Variants in EPHA2 observed in about 807,000 individuals in gnomAD.
EPHA2 encodes the protein ephrin type-A receptor 2.
In EPHA2, 54 loss-of-function variants were observed where a neutral mutation model predicts 104.9. The observed-to-expected ratio is 0.51, with a 90% CI of 0.41 to 0.65. EPHA2 has a LOEUF of 0.65. EPHA2 is among the 30% of genes least tolerant of loss of function. The pLI is 0.00. For missense variants in EPHA2, 1,117 were observed against 1,369.5 expected, an observed-to-expected ratio of 0.82 and a Z score of 2.91; for synonymous variants, 560 against 559.1, an observed-to-expected ratio of 1.00 and a Z score of -0.02.
Position 16,130,347 on chromosome 1 carries a change from T to A in EPHA2, c.2548A>T (p.Met850Leu). Residue 850 changes from methionine (M) to leucine (L), a missense_variant, in exon 15 of 17, where the codon ATG becomes TTG. Physicochemically the swap from Met to Leu is conservative, Grantham distance 15. Transcript: ENST00000358432. The surrounding 1 kb of genome is among the most constrained non-coding windows in gnomAD (Gnocchi z 4.5). ...CGCTCCTGCTGCCAGCACTGCATCA[T>A]GAGCTGGTAGATGGCGGAGGGGCAG... is the stretch of plus-strand genomic sequence containing the variant. ...MDCPSAIYQL[M>L]MQCWQQERAR... 1 of 1,588,308 alleles carries A rather than the reference T, an allele frequency of 6.3e-7. No individual in the cohort carries two copies.
chr1:16,133,657 G>T (rs898589986), intron 9 of EPHA2, 51 bp from the exon 10 acceptor site: 11 of 1,610,696 alleles, frequency 6.8e-6, no homozygotes, highest in African/African-American at 2.7e-5. Context: ...GGCCCCATGG[G>T]GGGTGCTCTG....
chr1:16,131,205 C>T lies in EPHA2; in HGVS notation c.2475+516G>A, dbSNP rs942630401. 6.6e-6 allele frequency among the ~76,000 whole-genome samples: 1 copy of T among 152,010 alleles called. No individual in the cohort carries two copies. The highest frequency in any genetic ancestry group is 2.4e-5 in the African/African-American group (1 of 41,396). ...GGACACACGGATACACACGTACACC[C>T]CACTCCTTTTTTCATCTCTGCACTC... On this transcript the variant is annotated intron_variant, in intron 14 of 16. Transcript: ENST00000358432. This position sits in a 1 kb window ranked among gnomAD's most constrained non-coding sequence, Gnocchi z 5.2.
Position 16,134,542 on chromosome 1 carries a change from C to G in EPHA2, c.1608G>C (p.Ala536=). Residue 536 remains alanine, a synonymous_variant, in exon 8 of 17, where the codon GCG becomes GCC. Transcript: ENST00000358432. The surrounding 1 kb of genome is among the most constrained non-coding windows in gnomAD (Gnocchi z 4.5). The stretch of plus-strand genomic sequence containing the variant: ...CACCGACAGCCACGCCGCCAATCAC[C>G]GCCAAGTTGCCAGATCCCTCCGGGG... ...TLSPEGSGNL[A]VIGGVAVGVV... is the part of the protein sequence containing the mutation. 6.2e-7 allele frequency: 1 copy of G among 1,614,142 alleles called. No individual in the cohort carries two copies. Among genetic ancestry groups the G allele is most frequent in the Non-Finnish European group, 8.5e-7 (1 of 1,180,030 alleles).
At chr1:16,127,807 C>T (rs577185481) in intron 16 of EPHA2, among the ~76,000 whole-genome samples, 2 of 152,302 alleles carry the variant, frequency 1.3e-5, no homozygotes, top group Admixed American at 6.5e-5. Flanking sequence ...TTCACAACAA[C>T]GCGCACTGCA....
In EPHA2 at chr1:16,150,756, G is replaced by A; in HGVS notation, c.153+140C>T. 1.0e-6 allele frequency: 1 copy of A among 966,132 alleles called. No homozygotes were observed. The highest frequency in any genetic ancestry group is 1.5e-5 in the South Asian group (1 of 68,938). The allele number at this position is 966,132 out of a possible 1,614,324, so 59.8% of individuals were successfully genotyped here. ...GCTGACTCTGAGCCTGGTGTGAGAA[G>A]CTGGACCCTGAGCCTGAGACCTGGC... On this transcript the variant is annotated intron_variant, in intron 2 of 16. Coordinates refer to ENST00000358432, the MANE Select transcript of EPHA2 (RefSeq NM_004431.5). This position sits in a 1 kb window ranked among gnomAD's most constrained non-coding sequence, Gnocchi z 4.8.
intron 5 of EPHA2, among the ~76,000 whole-genome samples, chr1:16,136,165 C>T (rs2024679779): frequency 6.6e-6 from 1 of 152,070 alleles, no homozygotes; most frequent in South Asian, 2.1e-4. Context: ...TCACCACGCC[C>T]AGCTCCCAGG....
intron 1 of EPHA2, among the ~76,000 whole-genome samples, chr1:16,151,966 A>T (rs904105): frequency 1.3e-5 from 2 of 152,152 alleles, no homozygotes; most frequent in Non-Finnish European, 2.9e-5. Flanking sequence ...GAGGCCATAG[A>T]CAAAACCTAA....
At chr1:16,133,833 G>A (rs2024628483) in intron 9 of EPHA2, 27 bp downstream of exon 9, 1 of 1,537,342 alleles carries the variant, frequency 6.5e-7, no homozygotes, top group Non-Finnish European at 8.8e-7. Flanking sequence ...GGGCAGGGCT[G>A]GGCCTGGAGC....
chr1:16,131,372 G>A lies in EPHA2; in HGVS notation c.2475+349C>T, dbSNP rs1251761311. ...AGGCATGTGGATCACCTGAAGCGAGGAGCTAGAGACCAGCCTGGCCAACAT... is the reference window on the plus strand; with the variant it reads ...AGGCATGTGGATCACCTGAAGCGAGAAGCTAGAGACCAGCCTGGCCAACAT... On this transcript the variant is annotated intron_variant, in intron 14 of 16. Transcript: ENST00000358432. The surrounding 1 kb of genome is among the most constrained non-coding windows in gnomAD (Gnocchi z 5.2). 6.6e-6 allele frequency among the ~76,000 whole-genome samples: 1 copy of A among 152,142 alleles called. No individual in the cohort carries two copies. The highest frequency in any genetic ancestry group is 1.5e-5 in the Non-Finnish European group (1 of 68,022).
chr1:16,155,520 T>A, intron 1 of EPHA2: 1 of 307,910 alleles, frequency 3.2e-6, no homozygotes. Flanking sequence ...AAACACCCCC[T>A]TCTCTAGGGG....
chr1:16,132,273 C>T lies in EPHA2; in HGVS notation c.2116G>A (p.Glu706Lys), dbSNP rs1170410561. 1 of 1,614,086 alleles carries T rather than the reference C, an allele frequency of 6.2e-7. No homozygotes were observed. The highest frequency in any genetic ancestry group is 1.7e-5 in the Admixed American group (1 of 60,028). ...ENGALDKFLREKDGEFSVLQL... is the reference protein window; with the variant it reads ...ENGALDKFLRKKDGEFSVLQL... ...AGCACGCTGAACTCGCCATCCTTCT[C>T]CTGCCGGAGCACAGGCGCTCAGCTG... The change falls in exon 13 of 17, where the codon GAG becomes AAG. Residue 706 changes from glutamate (E) to lysine (K), a missense_variant and splice_region_variant. Physicochemically the swap from Glu to Lys is moderately conservative, Grantham distance 56. Around this residue, in one of 3 missense-constraint regions of EPHA2, gnomAD observed 340 missense variants for 480.5 expected, o/e 0.71. Coordinates refer to ENST00000358432, the MANE Select transcript of EPHA2 (RefSeq NM_004431.5).
At chr1:16,155,811 C>T (rs1429692428) in intron 1 of EPHA2, 37 bp downstream of exon 1, 3 of 1,367,622 alleles carry the variant, frequency 2.2e-6, no homozygotes, top group Admixed American at 3.6e-5. Flanking sequence ...GGCACTGGGG[C>T]CCGGGGGCCA....
At chr1:16,147,875 C>CT (rs111955796) in intron 3 of EPHA2, among the ~76,000 whole-genome samples, 359 of 143,928 alleles carry the variant, frequency 2.5e-3, no homozygotes, top group African/African-American at 5.8e-3. Context: ...TTCATTCATT[C>CT]TTTTTTTTTT....
intron 11 of EPHA2, chr1:16,132,877 A>G (rs1489655727): frequency 2.1e-6 from 1 of 484,832 alleles, no homozygotes; most frequent in Non-Finnish European, 3.7e-6. Context: ...AGGTGGGCAC[A>G]GGTGTAAGGA....
chr1:16,153,998 C>A (rs1164526473), intron 1 of EPHA2, among the ~76,000 whole-genome samples: 1 of 152,050 alleles, frequency 6.6e-6, no homozygotes, highest in African/African-American at 2.4e-5. Flanking sequence ...AATACACAAG[C>A]CTTTCCCCCT....
rs1006948332 is a variant in EPHA2 at position 16,125,074 on chromosome 1, G to C, written c.*141C>G. The C allele has an allele frequency of 1.3e-6, 1 of 792,142 alleles. No homozygotes were observed. The highest frequency in any genetic ancestry group is 2.2e-6 in the Non-Finnish European group (1 of 463,592). 49.1% of individuals were successfully genotyped at this position (792,142 alleles called of 1,614,324 possible). On this transcript the variant is annotated 3_prime_UTR_variant, in exon 17 of 17. Transcript: ENST00000358432. This position sits in a 1 kb window ranked among gnomAD's most constrained non-coding sequence, Gnocchi z 4.9. ...CTCAGTTCAGGCCAGGGTGTCATCC[G>C]AGACCCCTCAGCGGAAGTTGCAGGG...
rs1276503511 is a variant in EPHA2 at position 16,155,959 on chromosome 1, C to T, written c.-27G>A. 1.4e-6 allele frequency: 2 copies of T among 1,471,316 alleles called. No homozygotes were observed. Among genetic ancestry groups the T allele is most frequent in the Non-Finnish European group, 1.8e-6 (2 of 1,117,066 alleles). 91.1% of individuals were successfully genotyped at this position (1,471,316 alleles called of 1,614,324 possible). A position where few individuals can be genotyped will look rare whatever the true frequency, so the allele number is the denominator to read the frequency against. On this transcript the variant is annotated 5_prime_UTR_variant, in exon 1 of 17. Coordinates refer to ENST00000358432, the MANE Select transcript of EPHA2 (RefSeq NM_004431.5). ...CCGCGCTTCTCGCTCTCGGTCCGAT[C>T]CCCCCGAGCCCGGCTCCCGCACACC...
rs982489003 is a variant in EPHA2 at position 16,150,050 on chromosome 1, C to A, written c.153+846G>T. On this transcript the variant is annotated intron_variant, in intron 2 of 16. Transcript: ENST00000358432. The surrounding 1 kb of genome is among the most constrained non-coding windows in gnomAD (Gnocchi z 4.8). Reference sequence around the variant, plus strand: ...TGTATTAGGTGACCCGTGTTCCCTCCCAGCTAGACTTCCAGGATCCTAGAA... The same window carrying A: ...TGTATTAGGTGACCCGTGTTCCCTCACAGCTAGACTTCCAGGATCCTAGAA... 6.6e-6 allele frequency among the ~76,000 whole-genome samples: 1 copy of A among 152,166 alleles called. No individual in the cohort carries two copies. Among genetic ancestry groups the A allele is most frequent in the Non-Finnish European group, 1.5e-5 (1 of 68,020 alleles).
chr1:16,149,072 T>C (rs759272070), intron 2 of EPHA2, 25 bp from the exon 3 acceptor site: 1 of 1,608,454 alleles, frequency 6.2e-7, no homozygotes, highest in Non-Finnish European at 8.5e-7. Flanking sequence ...TACAGGTTAG[T>C]GTGGGCAGGT....
Sources: allele counts gnomAD v4.1 joint callset (sites outside exome capture counted in the v4.1 genomes callset), GRCh38; gene constraint gnomAD v4.1.1; regional missense constraint gnomAD v4.1.1; non-coding constraint Gnocchi (gnomAD v3.1); transcripts MANE v1.5; gene names NCBI Gene and HGNC (gene_info 2026-07-23, HGNC 2026-07-21).